Variants in NEBL observed in about 807,000 individuals in gnomAD.
NEBL encodes nebulette, also known as LIM and SH3 protein 2.
Under a neutral mutation model 140.2 loss-of-function variants are expected in NEBL, and 122 were observed. The ratio of observed to expected loss-of-function variants is 0.87; its 90% CI spans 0.75 to 1.01. NEBL has a LOEUF of 1.01. Ranked by LOEUF, NEBL falls within the 50% of genes least tolerant of loss-of-function variation. NEBL has a pLI of 0.00. For missense variants in NEBL, 1,365 were observed against 1,231.3 expected, an observed-to-expected ratio of 1.11 and a Z score of -1.62; for synonymous variants, 436 against 398.9, an observed-to-expected ratio of 1.09 and a Z score of -1.11.
chr10:21,233,551 C>G (rs1433266841), intron 3 of NEBL, among the ~76,000 whole-genome samples: 1 of 147,630 alleles, frequency 6.8e-6, no homozygotes. Flanking sequence ...TGCATATATA[C>G]ATACATATAT....
At chr10:20,792,553 G>A (rs745858431) in intron 26 of NEBL, among the ~76,000 whole-genome samples, 21 of 152,248 alleles carry the variant, frequency 1.4e-4, no homozygotes, top group Middle Eastern at 3.4e-3. Context: ...TGTAATCCCA[G>A]CACTTTGGGA....
intron 4 of NEBL, among the ~76,000 whole-genome samples, chr10:20,886,855 A>C (rs1262292492): frequency 9.2e-5 from 14 of 152,218 alleles, no homozygotes; most frequent in Admixed American, 8.5e-4. Flanking sequence ...GAAATGAAGA[A>C]TACAAACTAT....
chr10:20,838,470 A>C (rs1372773243), intron 13 of NEBL, among the ~76,000 whole-genome samples: 1 of 152,318 alleles, frequency 6.6e-6, no homozygotes, highest in African/African-American at 2.4e-5. Flanking sequence ...CAAGCAAAGA[A>C]TGTGGTTTCT....
intron 4 of NEBL, among the ~76,000 whole-genome samples, chr10:20,938,814 G>A (rs895292481): frequency 5.9e-5 from 9 of 152,176 alleles, no homozygotes; most frequent in African/African-American, 1.7e-4. Context: ...TAGCCGATGC[G>A]ATCAACTGGA....
intron 3 of NEBL, among the ~76,000 whole-genome samples, chr10:21,215,304 A>C (rs111526794): frequency 6.6e-6 from 1 of 152,120 alleles, no homozygotes. Flanking sequence ...GCAAGAGCCT[A>C]TCTCTTTTAA....
At chr10:21,029,354 T>A in intron 2 of NEBL, 1 of 1,611,616 alleles carries the variant, frequency 6.2e-7, no homozygotes, top group South Asian at 1.1e-5. Context: ...TTTAGAGGAT[T>A]AATTATCAGT....
chr10:20,952,475 T>A (rs117193526), intron 4 of NEBL, among the ~76,000 whole-genome samples: 3,326 of 145,354 alleles, frequency 0.023, 59 homozygotes, highest in South Asian at 0.047. Flanking sequence ...GGAAATAGGA[T>A]ATAGGAGGAA....
intron 3 of NEBL, among the ~76,000 whole-genome samples, chr10:21,242,370 A>G (rs1842451270): frequency 6.6e-6 from 1 of 152,214 alleles, no homozygotes; most frequent in Admixed American, 6.6e-5. Flanking sequence ...ATGCAGGAAC[A>G]GAAAACCAAA....
chr10:20,870,882 C>T (rs1220749505), intron 5 of NEBL, among the ~76,000 whole-genome samples: 1 of 152,194 alleles, frequency 6.6e-6, no homozygotes, highest in Non-Finnish European at 1.5e-5. Context: ...TTTAGATTAA[C>T]TTGACTGACA....
At chr10:20,892,649 C>T (rs1179488043) in intron 2 of NEBL, among the ~76,000 whole-genome samples, 1 of 152,202 alleles carries the variant, frequency 6.6e-6, no homozygotes, top group African/African-American at 2.4e-5. Context: ...CATTGACCTT[C>T]TCTTTTGCCC....
At chr10:20,929,915 A>G (rs1211903683) in intron 4 of NEBL, among the ~76,000 whole-genome samples, 2 of 152,190 alleles carry the variant, frequency 1.3e-5, no homozygotes, top group Non-Finnish European at 2.9e-5. Context: ...TTCTAAGTCT[A>G]TAAAAAATAA....
chr10:21,018,216 G>A (rs921084217), intron 3 of NEBL, among the ~76,000 whole-genome samples: 1 of 152,152 alleles, frequency 6.6e-6, no homozygotes, highest in African/African-American at 2.4e-5. Context: ...ATAAATTTAT[G>A]AAGGGAAGAG....
At position 20,916,991 on chromosome 10, in the gene NEBL, T is replaced by C. The variant is rs552742959; in HGVS notation, c.357+44681A>G. 6.6e-5 allele frequency among the ~76,000 whole-genome samples: 10 copies of C among 152,322 alleles called. No individual in the cohort carries two copies. The East Asian group carries it at 1.9e-3, about 29-fold the overall frequency. On this transcript the variant is annotated intron_variant, in intron 4 of 6. Transcript: ENST00000417816. ...CATATAATTTATAGTAAATATAAAA[T>C]ATCCTAGGGAATGAACTCAGACTAT...
At chr10:21,001,444 A>C (rs895512369) in intron 3 of NEBL, among the ~76,000 whole-genome samples, 5 of 152,172 alleles carry the variant, frequency 3.3e-5, no homozygotes, top group African/African-American at 1.2e-4. Flanking sequence ...TAGCCTAGCA[A>C]AATAAATGAT....
chr10:21,166,219 C>CAA (rs1170225891), intron 2 of NEBL, among the ~76,000 whole-genome samples: 398 of 35,302 alleles, frequency 0.011, 41 homozygotes, highest in South Asian at 0.016. Context: ...GACTGTGTCT[C>CAA]AAAAAAAAAA....
intron 5 of NEBL, among the ~76,000 whole-genome samples, chr10:20,873,804 T>A (rs575327809): frequency 1.3e-5 from 2 of 152,328 alleles, no homozygotes; most frequent in East Asian, 3.9e-4. Flanking sequence ...AGCATTGCAC[T>A]GAATCTATAA....
At position 20,814,445 on chromosome 10, in the gene NEBL, TA is replaced by T. The variant is rs748702906; in HGVS notation, c.2242-403del. Reference sequence around the variant, plus strand: ...ACCCCCCATCTCTACAGGTAAAAATTAAAAAAAAAAAAAAATTAGTTGGGCG... The same window carrying T: ...ACCCCCCATCTCTACAGGTAAAAATTAAAAAAAAAAAAAATTAGTTGGGCG... On this transcript the variant is annotated intron_variant, in intron 22 of 27. Transcript: ENST00000377122. Among the ~76,000 whole-genome samples, 669 of 138,640 alleles carry T rather than the reference TA, an allele frequency of 4.8e-3. 2 individuals carry two copies. Among genetic ancestry groups the T allele is most frequent in the East Asian group, 9.8e-3 (47 of 4,786 alleles). The allele number at this position is 138,640 out of a possible 152,430, so 91.0% of individuals were successfully genotyped here. A position where few individuals can be genotyped will look rare whatever the true frequency, so the allele number is the denominator to read the frequency against.
At chr10:20,999,888 T>C (rs1354035459) in intron 3 of NEBL, among the ~76,000 whole-genome samples, 1 of 152,128 alleles carries the variant, frequency 6.6e-6, no homozygotes, top group African/African-American at 2.4e-5. Context: ...AATTTCATCG[T>C]TGGTTCCCCA....
chr10:21,110,697 G>T, intron 2 of NEBL: 1 of 489,620 alleles, frequency 2.0e-6, no homozygotes, highest in South Asian at 1.5e-5. Context: ...AGGCTCAGTG[G>T]ACATGGACAT....
Sources: gnomAD v4.1 joint callset for allele counts (sites outside exome capture counted in the v4.1 genomes callset) on GRCh38, gnomAD v4.1.1 for gene constraint, MANE v1.5 for transcripts, NCBI Gene and HGNC (gene_info 2026-07-23, HGNC 2026-07-21) for gene names.